Variants in MAGI1 observed in about 807,000 individuals in gnomAD.
MAGI1 encodes membrane-associated guanylate kinase, WW and PDZ domain-containing protein 1.
MAGI1 carries 58 observed loss-of-function variants against 139.9 expected under a neutral mutation model. The ratio of observed to expected loss-of-function variants is 0.41; its 90% CI spans 0.34 to 0.52. MAGI1 has a LOEUF of 0.52. Among genes scored for constraint, MAGI1 ranks in the 20% least tolerant of loss-of-function variants. The probability of loss-of-function intolerance (pLI) is 0.12; values close to 1 mark genes in which losing one functional copy is unlikely to be tolerated. For missense variants in MAGI1, 1,874 were observed against 1,901.6 expected (o/e 0.99, Z 0.27); for synonymous variants, 812 against 737.9 (o/e 1.10, Z -1.63).
chr3:65,695,416 C>G (rs1490528382), intron 1 of MAGI1, among the ~76,000 whole-genome samples: 1 of 152,122 alleles, frequency 6.6e-6, no homozygotes. Flanking sequence ...AGAAGGAGGT[C>G]CTGGATATCC....
At chr3:65,720,447 T>C (rs966297974) in intron 1 of MAGI1, among the ~76,000 whole-genome samples, 1 of 152,122 alleles carries the variant, frequency 6.6e-6, no homozygotes, top group Non-Finnish European at 1.5e-5. Context: ...CTCTTACCAA[T>C]TCCATCCTAA....
At chr3:65,946,343 A>C (rs1320822295) in intron 1 of MAGI1, among the ~76,000 whole-genome samples, 1 of 152,224 alleles carries the variant, frequency 6.6e-6, no homozygotes. Flanking sequence ...CTGACCTCCC[A>C]ACTTGGTGCC....
chr3:65,911,871 C>T (rs2061682890), intron 1 of MAGI1, among the ~76,000 whole-genome samples: 1 of 152,152 alleles, frequency 6.6e-6, no homozygotes, highest in African/African-American at 2.4e-5. Context: ...TAGTGGCTTC[C>T]TGTTCGTTAC....
At chr3:65,993,054 C>T (rs72910930) in intron 1 of MAGI1, among the ~76,000 whole-genome samples, 207 of 152,052 alleles carry the variant, frequency 1.4e-3, no homozygotes, top group African/African-American at 4.8e-3. Flanking sequence ...TGGTCTAGAA[C>T]TCCTGTGCTC....
chr3:65,543,715 C>T (rs1267036168), intron 2 of MAGI1, among the ~76,000 whole-genome samples: 3 of 151,558 alleles, frequency 2.0e-5, no homozygotes, highest in Non-Finnish European at 4.4e-5. Context: ...AATACATGGA[C>T]ACAGAGAGAG....
intron 1 of MAGI1, among the ~76,000 whole-genome samples, chr3:65,780,714 C>T (rs895557277): frequency 6.6e-6 from 1 of 152,062 alleles, no homozygotes; most frequent in Non-Finnish European, 1.5e-5. Flanking sequence ...CATTTGCAGA[C>T]TTGATTATAA....
At chr3:66,005,470 A>T (rs183632579) in intron 1 of MAGI1, among the ~76,000 whole-genome samples, 18 of 152,282 alleles carry the variant, frequency 1.2e-4, no homozygotes, top group Admixed American at 1.1e-3. Flanking sequence ...TAATATCCTC[A>T]TCTTATAAGT....
chr3:65,711,578 T>G (rs2031426177), intron 1 of MAGI1, among the ~76,000 whole-genome samples: 1 of 152,198 alleles, frequency 6.6e-6, no homozygotes, highest in African/African-American at 2.4e-5. Flanking sequence ...CCTCAGAATG[T>G]GAATGTATTT....
At chr3:65,734,543 GAGAA>G (rs1260187708) in intron 1 of MAGI1, among the ~76,000 whole-genome samples, 3 of 147,254 alleles carry the variant, frequency 2.0e-5, no homozygotes, top group East Asian at 3.9e-4. Flanking sequence ...GGGGGAGAGA[GAGAA>G]AGAGAGAAAG....
intron 1 of MAGI1, among the ~76,000 whole-genome samples, chr3:65,953,689 G>A (rs561361887): frequency 8.5e-5 from 13 of 152,278 alleles, no homozygotes; most frequent in South Asian, 4.1e-4. Context: ...CCTGCTGTGC[G>A]GGGCTCACAG....
At chr3:65,694,974 T>C (rs2107583211) in intron 1 of MAGI1, among the ~76,000 whole-genome samples, 1 of 152,358 alleles carries the variant, frequency 6.6e-6, no homozygotes, top group South Asian at 2.1e-4. Context: ...GTGTGAAATT[T>C]CTTTTGCATA....
chr3:65,387,452 T>G (rs1943545759), intron 14 of MAGI1, among the ~76,000 whole-genome samples: 1 of 152,102 alleles, frequency 6.6e-6, no homozygotes, highest in African/African-American at 2.4e-5. Context: ...CACTGAGAGT[T>G]TCCTATAACT....
chr3:65,578,965 A>G (rs918730140), intron 2 of MAGI1, among the ~76,000 whole-genome samples: 2 of 150,454 alleles, frequency 1.3e-5, no homozygotes, highest in Non-Finnish European at 3.0e-5. Flanking sequence ...GAGAGAGAGA[A>G]CGAACAGATA....
At chr3:65,627,035 T>C (rs546291366) in intron 1 of MAGI1, among the ~76,000 whole-genome samples, 1 of 152,234 alleles carries the variant, frequency 6.6e-6, no homozygotes, top group Admixed American at 6.5e-5. Flanking sequence ...AACACAGTCA[T>C]ACACTGTATA....
chr3:65,622,724 T>C (rs1296752434), intron 1 of MAGI1, among the ~76,000 whole-genome samples: 2 of 151,934 alleles, frequency 1.3e-5, no homozygotes, highest in East Asian at 1.9e-4. Context: ...CCACTACACC[T>C]AGCTAATTTA....
At chr3:65,395,636 C>CAAAAAAAAAAAAAAAAA (rs58806140) in intron 13 of MAGI1, among the ~76,000 whole-genome samples, 531 of 19,142 alleles carry the variant, frequency 0.028, 112 homozygotes, top group African/African-American at 0.045. Context: ...GACTCCATCT[C>CAAAAAAAAAAAAAAAAA]AAAAAAAAAA....
intron 1 of MAGI1, among the ~76,000 whole-genome samples, chr3:65,801,680 G>A (rs1351395342): frequency 6.6e-6 from 1 of 152,006 alleles, no homozygotes. Context: ...AATGCAGATA[G>A]GTTTTAAAGT....
At chr3:65,624,712 A>G (rs938933085) in intron 1 of MAGI1, among the ~76,000 whole-genome samples, 2 of 152,190 alleles carry the variant, frequency 1.3e-5, no homozygotes, top group African/African-American at 2.4e-5. Context: ...TTGGAAATTG[A>G]GAAAACAGGG....
chr3:65,924,036 T>C (rs2062370929), intron 1 of MAGI1, among the ~76,000 whole-genome samples: 1 of 152,170 alleles, frequency 6.6e-6, no homozygotes, highest in African/African-American at 2.4e-5. Flanking sequence ...TCCAACATTA[T>C]TTCATCTCTT....
Sources: allele counts gnomAD v4.1 joint callset (sites outside exome capture counted in the v4.1 genomes callset), GRCh38; gene constraint gnomAD v4.1.1; transcripts MANE v1.5; gene names NCBI Gene and HGNC (gene_info 2026-07-23, HGNC 2026-07-21).